The following OSBPL10 variants were observed in gnomAD, a reference collection of about 807,000 sequenced individuals.
The protein encoded by OSBPL10 is oxysterol-binding protein-related protein 10.
A neutral mutation model predicts 81.7 loss-of-function variants in OSBPL10; 49 were observed. That is an observed-to-expected ratio of 0.60 (90% CI 0.48 to 0.76). OSBPL10 has a LOEUF of 0.76. Among genes scored for constraint, OSBPL10 ranks in the 30% least tolerant of loss-of-function variants. The pLI is 0.00. For synonymous variants in OSBPL10, 419 were observed against 383.6 expected, an observed-to-expected ratio of 1.09 and a Z score of -1.08; for missense variants, 923 against 987.8, an observed-to-expected ratio of 0.93 and a Z score of 0.88.
At chr3:32,003,319 G>A (rs1699169806) in intron 2 of OSBPL10, among the ~76,000 whole-genome samples, 1 of 152,192 alleles carries the variant, frequency 6.6e-6, no homozygotes, top group African/African-American at 2.4e-5. Context: ...ATATACACAT[G>A]AAAGGCAAGT....
chr3:31,683,749 T>A lies in OSBPL10; in HGVS notation c.1611A>T (p.Pro537=), dbSNP rs141090004. 1,000 of 1,614,124 alleles carry A rather than the reference T, an allele frequency of 6.2e-4. 10 individuals carry two copies. In the East Asian group the frequency reaches 0.019, roughly 30 times the overall value. ...ACTCACAGTAGAAGCAGGAGATGGG[T>A]GGGTGATGGGACACTTGCTCAGCCA... is the stretch of plus-strand genomic sequence containing the variant. The part of the protein sequence containing the change: ...RFVAEQVSHH[P]PISCFYCECE... Residue 537 remains proline (P), a synonymous_variant, in exon 8 of 12, where the codon CCA becomes CCT. Coordinates refer to ENST00000396556, the MANE Select transcript of OSBPL10 (RefSeq NM_017784.5).
chr3:31,998,527 A>G (rs1232744133), intron 2 of OSBPL10, among the ~76,000 whole-genome samples: 1 of 152,182 alleles, frequency 6.6e-6, no homozygotes, highest in Non-Finnish European at 1.5e-5. Context: ...TGATGGAGAT[A>G]TTTCATTCTG....
intron 3 of OSBPL10, among the ~76,000 whole-genome samples, chr3:31,842,693 G>A (rs930076312): frequency 1.3e-5 from 2 of 152,166 alleles, no homozygotes; most frequent in African/African-American, 2.4e-5. Context: ...CTGCTGAAGA[G>A]TCCAAATTAT....
intron 2 of OSBPL10, among the ~76,000 whole-genome samples, chr3:32,040,384 G>A (rs539951257): frequency 6.6e-6 from 1 of 152,228 alleles, no homozygotes; most frequent in Non-Finnish European, 1.5e-5. Context: ...TCCAGCCTAG[G>A]CGACAGAGCA....
At chr3:31,870,090 C>T (rs1461566364) in intron 3 of OSBPL10, among the ~76,000 whole-genome samples, 4 of 152,216 alleles carry the variant, frequency 2.6e-5, no homozygotes, top group Admixed American at 2.0e-4. Context: ...AGGCCAGAGC[C>T]GGCTCCCTCA....
chr3:31,903,591 A>G (rs533585223), intron 1 of OSBPL10, among the ~76,000 whole-genome samples: 1 of 152,042 alleles, frequency 6.6e-6, no homozygotes, highest in Admixed American at 6.5e-5. Flanking sequence ...TCAGCCTCCC[A>G]AAGTGCTGGG....
chr3:31,808,479 T>C (rs1462849183), intron 4 of OSBPL10, among the ~76,000 whole-genome samples: 5 of 152,182 alleles, frequency 3.3e-5, no homozygotes, highest in African/African-American at 1.2e-4. Flanking sequence ...ATCAGTGTCC[T>C]GGAAATAATA....
rs756265817 is a variant in OSBPL10, at chr3:31,858,622, G to T, written c.537+17811C>A. Among the ~76,000 whole-genome samples, 3 of 152,146 alleles carry T rather than the reference G, an allele frequency of 2.0e-5. No homozygotes were observed. In the East Asian group the frequency reaches 5.8e-4, roughly 29 times the overall value. On this transcript the variant is annotated intron_variant, in intron 3 of 11. Coordinates refer to ENST00000396556, the MANE Select transcript of OSBPL10 (RefSeq NM_017784.5). ...CATTTCAAGGAATAACTTGCCCCAG[G>T]TGGCACTATAGGGCTAGTTCTGAAC...
intron 1 of OSBPL10, among the ~76,000 whole-genome samples, chr3:31,904,918 A>G (rs1259666084): frequency 6.6e-6 from 1 of 152,178 alleles, no homozygotes; most frequent in African/African-American, 2.4e-5. Flanking sequence ...GTTTTCTCCA[A>G]GGAATTTTTC....
chr3:31,946,898 G>A (rs367835489), intron 1 of OSBPL10, among the ~76,000 whole-genome samples: 4 of 152,160 alleles, frequency 2.6e-5, no homozygotes, highest in Non-Finnish European at 5.9e-5. Context: ...GAAGATGATC[G>A]TGGGAGTCCA....
chr3:32,030,505 C>A, intron 2 of OSBPL10: 1 of 717,136 alleles, frequency 1.4e-6, no homozygotes. Flanking sequence ...GGGCTGAGAT[C>A]GCTTCCTAAA....
intron 4 of OSBPL10, among the ~76,000 whole-genome samples, chr3:31,761,201 C>T (rs1176451311): frequency 2.0e-5 from 3 of 152,148 alleles, no homozygotes; most frequent in Admixed American, 6.5e-5. Flanking sequence ...CCGCCAGGCG[C>T]GGTGGCTCAC....
chr3:31,933,593 G>A (rs1697307485), intron 1 of OSBPL10, among the ~76,000 whole-genome samples: 1 of 151,888 alleles, frequency 6.6e-6, no homozygotes, highest in Non-Finnish European at 1.5e-5. Context: ...TTTTGGCAGA[G>A]ACGGTGGGCT....
At chr3:31,973,912 C>T (rs1444649939) in intron 1 of OSBPL10, among the ~76,000 whole-genome samples, 1 of 152,224 alleles carries the variant, frequency 6.6e-6, no homozygotes, top group Non-Finnish European at 1.5e-5. Context: ...TAGTCAAAAA[C>T]TGGAAACAGC....
At position 32,051,825 on chromosome 3, in the gene OSBPL10, A is replaced by G. The variant is rs146319961; in HGVS notation, n.186-5222T>C. 7.9e-5 allele frequency among the ~76,000 whole-genome samples: 12 copies of G among 152,314 alleles called. No homozygotes were observed. In the East Asian group the frequency reaches 2.3e-3, roughly 29 times the overall value. ...GTGTGTGTGTGATGTCTATGTATGA[A>G]AGAGATCTAATTAACTGGCTTAAAA... On this transcript the variant is annotated intron_variant and non_coding_transcript_variant, in intron 1 of 3. Coordinates refer to the OSBPL10 transcript ENST00000479173.
intron 1 of OSBPL10, among the ~76,000 whole-genome samples, chr3:31,903,665 C>G (rs1444049068): frequency 6.6e-6 from 1 of 152,084 alleles, no homozygotes; most frequent in East Asian, 1.9e-4. Context: ...AACCGAGACA[C>G]AGAGATCTCT....
At chr3:31,880,620 C>T (rs9829576) in intron 1 of OSBPL10, among the ~76,000 whole-genome samples, 2 of 152,144 alleles carry the variant, frequency 1.3e-5, no homozygotes, top group Non-Finnish European at 2.9e-5. Flanking sequence ...CCTTGAGGCC[C>T]GCCCCTGCTG....
At chr3:31,964,860 T>A (rs1367073092) in intron 1 of OSBPL10, among the ~76,000 whole-genome samples, 3 of 152,028 alleles carry the variant, frequency 2.0e-5, no homozygotes, top group Non-Finnish European at 4.4e-5. Context: ...CAGGGGAAAA[T>A]CTGAATATGA....
chr3:31,944,554 AC>A (rs1235587469), intron 1 of OSBPL10, among the ~76,000 whole-genome samples: 2 of 152,038 alleles, frequency 1.3e-5, no homozygotes, highest in African/African-American at 4.8e-5. Flanking sequence ...TAAAACCACC[AC>A]CTTCCTGATA....
Sources: gnomAD v4.1 joint callset for allele counts (sites outside exome capture counted in the v4.1 genomes callset) on GRCh38, gnomAD v4.1.1 for gene constraint, MANE v1.5 for transcripts, NCBI Gene and HGNC (gene_info 2026-07-23, HGNC 2026-07-21) for gene names.